KIAA1328: variants seen among roughly 807,000 people sequenced by gnomAD.
KIAA1328 encodes the protein protein hinderin.
A neutral mutation model predicts 68.1 loss-of-function variants in KIAA1328; 52 were observed. That is an observed-to-expected ratio of 0.76 (90% CI 0.61 to 0.96). The LOEUF (loss-of-function observed/expected upper bound fraction) is 0.96, where lower values mean the gene tolerates loss of function less well. KIAA1328 is among the 40% of genes least tolerant of loss of function. The pLI, the probability that KIAA1328 is intolerant of heterozygous loss-of-function variation, is 0.00. For missense variants in KIAA1328, 641 were observed against 677.6 expected (o/e 0.95, Z 0.60); for synonymous variants, 232 against 239.4 (o/e 0.97, Z 0.28).
At chr18:37,054,527 C>T (rs933984775) in intron 6 of KIAA1328, among the ~76,000 whole-genome samples, 5 of 152,116 alleles carry the variant, frequency 3.3e-5, no homozygotes, top group African/African-American at 1.2e-4. Flanking sequence ...TGGATGCAGC[C>T]AGAGGCCATT....
At chr18:37,012,798 A>G (rs2054021522) in intron 6 of KIAA1328, among the ~76,000 whole-genome samples, 1 of 152,192 alleles carries the variant, frequency 6.6e-6, no homozygotes, top group African/African-American at 2.4e-5. Context: ...CTAATAATCT[A>G]TATTGCAGTT....
At chr18:36,933,124 A>G (rs1490140505) in intron 5 of KIAA1328, among the ~76,000 whole-genome samples, 3 of 152,170 alleles carry the variant, frequency 2.0e-5, no homozygotes, top group African/African-American at 7.2e-5. Context: ...TATTGACCCA[A>G]TTTCTAAGGA....
intron 4 of KIAA1328, among the ~76,000 whole-genome samples, chr18:36,876,238 A>T (rs10221418): frequency 0.27 from 40,430 of 152,034 alleles, 8,454 homozygotes; most frequent in African/African-American, 0.59. Context: ...TTCCAAAGGA[A>T]TGGTACCAGC....
At chr18:36,911,584 G>A (rs565904598) in intron 5 of KIAA1328, among the ~76,000 whole-genome samples, 93 of 152,178 alleles carry the variant, frequency 6.1e-4, no homozygotes, top group African/African-American at 2.2e-3. Flanking sequence ...TACAGAGTAA[G>A]CCATCTGCTT....
At chr18:37,072,075 AATCT>A (rs1322043925) in intron 7 of KIAA1328, among the ~76,000 whole-genome samples, 3 of 152,136 alleles carry the variant, frequency 2.0e-5, no homozygotes, top group Non-Finnish European at 4.4e-5. Flanking sequence ...AGAGAGGAAA[AATCT>A]ATTATATTTA....
chr18:36,849,224 T>C (rs1191866270), intron 4 of KIAA1328, among the ~76,000 whole-genome samples: 1 of 151,974 alleles, frequency 6.6e-6, no homozygotes, highest in Non-Finnish European at 1.5e-5. Context: ...TTCTACTTTC[T>C]ATAGCCATGA....
At chr18:37,013,835 A>C (rs1399128896) in intron 6 of KIAA1328, among the ~76,000 whole-genome samples, 1 of 152,140 alleles carries the variant, frequency 6.6e-6, no homozygotes, top group Non-Finnish European at 1.5e-5. Flanking sequence ...TGGTAGAATG[A>C]TTTATTTTCT....
At chr18:37,158,124 C>G (rs532249577) in intron 7 of KIAA1328, among the ~76,000 whole-genome samples, 1 of 152,084 alleles carries the variant, frequency 6.6e-6, no homozygotes, top group African/African-American at 2.4e-5. Context: ...GCCCAAACTC[C>G]TGGGCTCAAG....
At chr18:37,027,618 A>G (rs1206992820) in intron 6 of KIAA1328, among the ~76,000 whole-genome samples, 1 of 152,226 alleles carries the variant, frequency 6.6e-6, no homozygotes, top group Non-Finnish European at 1.5e-5. Flanking sequence ...GAAATGGGGA[A>G]AGGATTCCCT....
At chr18:36,966,709 G>A (rs1011501729) in intron 6 of KIAA1328, among the ~76,000 whole-genome samples, 15 of 152,032 alleles carry the variant, frequency 9.9e-5, no homozygotes, top group African/African-American at 1.4e-4. Flanking sequence ...ATTAAAATAC[G>A]GATATATTTA....
intron 4 of KIAA1328, among the ~76,000 whole-genome samples, chr18:36,867,745 A>G (rs1228227581): frequency 6.6e-6 from 1 of 152,218 alleles, no homozygotes; most frequent in Non-Finnish European, 1.5e-5. Context: ...AAGTGAAAAT[A>G]AAAGTGAATA....
intron 5 of KIAA1328, chr18:36,903,741 A>G (rs2049117353): frequency 6.6e-6 from 1 of 152,144 alleles, no homozygotes; most frequent in African/African-American, 2.4e-5. Context: ...AGCACATTAG[A>G]ATCATTCAAA....
intron 6 of KIAA1328, among the ~76,000 whole-genome samples, chr18:37,060,306 C>T (rs951325019): frequency 5.3e-5 from 8 of 152,076 alleles, no homozygotes; most frequent in South Asian, 4.1e-4. Context: ...ATCTCTTTAA[C>T]ACTTATTTTG....
At chr18:37,172,833 C>A in intron 8 of KIAA1328, 140 bp from the exon 9 acceptor site, 1 of 521,890 alleles carries the variant, frequency 1.9e-6, no homozygotes. Flanking sequence ...TTTTCATATG[C>A]CATTGTTACA....
chr18:36,847,409 T>C (rs1361885417), intron 4 of KIAA1328, among the ~76,000 whole-genome samples: 1 of 151,604 alleles, frequency 6.6e-6, no homozygotes, highest in Non-Finnish European at 1.5e-5. Context: ...TCACCAACTC[T>C]TGGTATTGTC....
intron 7 of KIAA1328, among the ~76,000 whole-genome samples, chr18:37,121,215 G>T (rs542478967): frequency 6.6e-6 from 1 of 152,192 alleles, no homozygotes; most frequent in South Asian, 2.1e-4. Flanking sequence ...TAAATCTGGT[G>T]AGCATTATGT....
chr18:37,041,072 T>TTAG (rs576609819), intron 6 of KIAA1328, among the ~76,000 whole-genome samples: 64 of 152,082 alleles, frequency 4.2e-4, no homozygotes, highest in African/African-American at 1.3e-3. Context: ...GTCAAGTTGA[T>TTAG]TAGTAGTATT....
chr18:37,027,467 A>G (rs1475696688), intron 6 of KIAA1328, among the ~76,000 whole-genome samples: 1 of 152,226 alleles, frequency 6.6e-6, no homozygotes, highest in African/African-American at 2.4e-5. Flanking sequence ...ACTTCAAACT[A>G]TGCTACAAGG....
chr18:36,830,124 C>A (rs1175706599), intron 1 of KIAA1328, among the ~76,000 whole-genome samples: 1 of 152,180 alleles, frequency 6.6e-6, no homozygotes, highest in Non-Finnish European at 1.5e-5. Context: ...GTTGCTGTTA[C>A]CTTTGGCAGA....
Sources: gnomAD v4.1 joint callset for allele counts (sites outside exome capture counted in the v4.1 genomes callset) on GRCh38, gnomAD v4.1.1 for gene constraint, MANE v1.5 for transcripts, NCBI Gene and HGNC (gene_info 2026-07-23, HGNC 2026-07-21) for gene names.